The following CDHR3 variants were observed in gnomAD, a reference collection of about 807,000 sequenced individuals.
The protein encoded by CDHR3 is cadherin-related family member 3.
A neutral mutation model predicts 86.6 loss-of-function variants in CDHR3; 79 were observed. The ratio of observed to expected loss-of-function variants is 0.91; its 90% CI spans 0.76 to 1.10. The LOEUF is 1.10. Ranked by LOEUF, CDHR3 falls within the 50% of genes least tolerant of loss-of-function variation. The pLI is 0.00. For missense variants in CDHR3, 1,081 were observed against 1,077.6 expected (o/e 1.00, Z -0.04); for synonymous variants, 421 against 402.4 (o/e 1.05, Z -0.55).
intron 16 of CDHR3, 121 bp downstream of exon 16, chr7:106,026,816 C>T (rs958042848): frequency 2.9e-6 from 3 of 1,031,970 alleles, no homozygotes; most frequent in Admixed American, 1.8e-5. Context: ...TTTTCAGCTG[C>T]ATCTTCTGTG....
Position 106,024,573 on chromosome 7 carries a change from A to G in CDHR3, c.2258+11A>G, listed in dbSNP as rs1275288103. On this transcript the variant is annotated intron_variant, in intron 15 of 18. Coordinates refer to ENST00000317716, the MANE Select transcript of CDHR3 (RefSeq NM_152750.5). ...GAACAAGGAACCTCTGTAAGTTGCC[A>G]GTGGGCTGGGCCCTCTTCCCCACCT... 1.9e-6 allele frequency: 3 copies of G among 1,613,668 alleles called. No homozygotes were observed. The highest frequency in any genetic ancestry group is 2.5e-6 in the Non-Finnish European group (3 of 1,179,726).
chr7:105,993,732 CA>C (rs1211895538), intron 4 of CDHR3, among the ~76,000 whole-genome samples: 12 of 148,492 alleles, frequency 8.1e-5, no homozygotes, highest in Admixed American at 7.4e-4. Flanking sequence ...GACCTTGAAC[CA>C]AGCTCTTCTG....
chr7:105,986,430 G>C (rs184909890), intron 4 of CDHR3, among the ~76,000 whole-genome samples: 1 of 152,320 alleles, frequency 6.6e-6, no homozygotes, highest in African/African-American at 2.4e-5. Flanking sequence ...ACATTCATGC[G>C]TAGGGGAGAA....
At position 106,033,213 on chromosome 7, in the gene CDHR3, G is replaced by A. The variant is rs2115941891; in HGVS notation, c.*516G>A. 1 of 153,858 alleles carries A rather than the reference G, an allele frequency of 6.5e-6. No individual in the cohort carries two copies. The highest frequency in any genetic ancestry group is 2.0e-4 in the South Asian group (1 of 4,916). The allele number at this position is 153,858 out of a possible 1,614,324, so 9.5% of individuals were successfully genotyped here. ...AACAGTGAAAAAAACAGATGAGTAA[G>A]TTAAGAGTTGGTCATCTGGAAAGAA... On this transcript the variant is annotated 3_prime_UTR_variant, in exon 19 of 19. Transcript: ENST00000317716.
At chr7:105,964,717 G>A (rs931677868) in intron 1 of CDHR3, among the ~76,000 whole-genome samples, 4 of 151,958 alleles carry the variant, frequency 2.6e-5, no homozygotes, top group East Asian at 1.9e-4. Flanking sequence ...TAAATCAAAC[G>A]CTTTTTCAAG....
Position 106,020,449 on chromosome 7 carries a change from T to C in CDHR3, c.1730T>C (p.Val577Ala). 6.2e-7 allele frequency: 1 copy of C among 1,613,996 alleles called. No individual in the cohort carries two copies. The highest frequency in any genetic ancestry group is 1.7e-5 in the Admixed American group (1 of 60,028). Residue 577 changes from valine to alanine, a missense_variant, in exon 13 of 19, where the codon GTG (valine) becomes GCG (alanine). Val to Ala is a moderately conservative substitution (Grantham distance 64). Transcript: ENST00000317716. Reference protein sequence around the residue: ...TPNSYFLALPVDLKVGTNIQN... With the variant: ...TPNSYFLALPADLKVGTNIQN... ...AACTCTTATTTCCTGGCCCTCCCAG[T>C]GGATCTGAAAGTTGGCACAAATATT...
At chr7:106,025,178 G>A (rs935700820) in intron 15 of CDHR3, among the ~76,000 whole-genome samples, 9 of 152,166 alleles carry the variant, frequency 5.9e-5, no homozygotes, top group African/African-American at 2.2e-4. Flanking sequence ...TGAGGTAGTA[G>A]AGTGACGTGA....
Position 106,024,547 on chromosome 7 carries a change from A to G in CDHR3, c.2243A>G (p.Lys748Arg). ...AGACACTGCCCCTGCAAGACTGGGA[A>G]GAACAAGGAACCTCTGTAAGTTGCC... ...IHRHCPCKTG[K>R]NKEPLTKKGE... Residue 748 changes from lysine (K) to arginine (R), a missense_variant, in exon 15 of 19, where the codon AAG becomes AGG. Coordinates refer to ENST00000317716, the MANE Select transcript of CDHR3 (RefSeq NM_152750.5). The G allele has an allele frequency of 6.2e-7, 1 of 1,614,046 alleles. No homozygotes were observed.
Position 106,015,998 on chromosome 7 carries a change from G to C in CDHR3, c.1399G>C (p.Val467Leu). The C allele has an allele frequency of 6.2e-7, 1 of 1,611,998 alleles. No individual in the cohort carries two copies. Residue 467 changes from valine to leucine, a missense_variant, in exon 11 of 19, where the codon GTA (valine) becomes CTA (leucine). Transcript: ENST00000317716. ...TCTCATTTTTGATAGGCCATCCTAT[G>C]TATTTGATGTGTCAGAAAGAAGGCC... ...FPLIFDRPSY[V>L]FDVSERRPAR...
intron 13 of CDHR3, among the ~76,000 whole-genome samples, chr7:106,021,788 A>G (rs1326288870): frequency 6.6e-6 from 1 of 152,230 alleles, no homozygotes; most frequent in African/African-American, 2.4e-5. Flanking sequence ...GATGTGACCT[A>G]TTCTACCCTC....
At chr7:105,994,895 G>A (rs771670654) in intron 5 of CDHR3, 50 bp downstream of exon 5, 1 of 1,449,794 alleles carries the variant, frequency 6.9e-7, no homozygotes, top group South Asian at 1.2e-5. Context: ...TGAGGGTCAA[G>A]GAAAACATGA....
In CDHR3 at chr7:106,031,067, G is replaced by C. The variant is rs1838261776; in HGVS notation, c.2353+227G>C. ...AGGGTCACACTTACGTGAGGCCTCA[G>C]TGGGTCTCCACCTAAAGGCTCACGT... is the stretch of plus-strand genomic sequence containing the variant. On this transcript the variant is annotated intron_variant, in intron 18 of 18. Coordinates refer to ENST00000317716, the MANE Select transcript of CDHR3 (RefSeq NM_152750.5). Among the ~76,000 whole-genome samples, 3 of 152,192 alleles carry C rather than the reference G, an allele frequency of 2.0e-5. No individual in the cohort carries two copies. The South Asian group carries it at 6.2e-4, about 32-fold the overall frequency.
intron 4 of CDHR3, among the ~76,000 whole-genome samples, chr7:105,986,755 C>A (rs961846995): frequency 2.6e-5 from 4 of 152,094 alleles, no homozygotes; most frequent in African/African-American, 9.7e-5. Context: ...GGTCTGGAAT[C>A]CTCTAGAATC....
intron 9 of CDHR3, among the ~76,000 whole-genome samples, chr7:106,014,699 G>A (rs1835313929): frequency 6.6e-6 from 1 of 152,262 alleles, no homozygotes; most frequent in African/African-American, 2.4e-5. Flanking sequence ...TTATAGTACT[G>A]TACTCACTAT....
intron 1 of CDHR3, among the ~76,000 whole-genome samples, chr7:105,965,419 A>T (rs1407109428): frequency 3.9e-5 from 6 of 152,330 alleles, no homozygotes; most frequent in Admixed American, 1.3e-4. Flanking sequence ...GGTTGCAGTG[A>T]GCTGAGATTG....
At chr7:105,969,397 C>CAA (rs760242300) in intron 1 of CDHR3, among the ~76,000 whole-genome samples, 8,513 of 78,394 alleles carry the variant, frequency 0.11, 727 homozygotes, top group Admixed American at 0.13. Context: ...GACTCCGTCT[C>CAA]AAAAAAAAAA....
chr7:106,031,252 A>G (rs757789316), intron 18 of CDHR3, among the ~76,000 whole-genome samples: 2 of 152,046 alleles, frequency 1.3e-5, no homozygotes. Flanking sequence ...AGCACTTATT[A>G]GTAGTGGAAG....
intron 16 of CDHR3, among the ~76,000 whole-genome samples, chr7:106,027,422 A>T (rs1254088311): frequency 6.6e-6 from 1 of 151,754 alleles, no homozygotes; most frequent in Non-Finnish European, 1.5e-5. Flanking sequence ...AACAGATAAT[A>T]TTTGATTCCC....
chr7:106,023,073 G>A (rs1258174586), intron 14 of CDHR3, among the ~76,000 whole-genome samples: 2 of 152,150 alleles, frequency 1.3e-5, no homozygotes, highest in Non-Finnish European at 2.9e-5. Context: ...GCGGTCCCTA[G>A]ACCATCAGAA....
Sources: gnomAD v4.1 joint callset for allele counts (sites outside exome capture counted in the v4.1 genomes callset) on GRCh38, gnomAD v4.1.1 for gene constraint, MANE v1.5 for transcripts, NCBI Gene and HGNC (gene_info 2026-07-23, HGNC 2026-07-21) for gene names.